Variants in NAV3 observed in about 807,000 individuals in gnomAD.
The protein encoded by NAV3 is neuron navigator 3.
A neutral mutation model predicts 244.7 loss-of-function variants in NAV3; 87 were observed. The observed-to-expected ratio is 0.36, with a 90% CI of 0.30 to 0.42. The LOEUF (loss-of-function observed/expected upper bound fraction) is 0.42, where lower values mean the gene tolerates loss of function less well. Ranked by LOEUF, NAV3 falls within the 20% of genes least tolerant of loss-of-function variation. The pLI is 1.00. For synonymous variants in NAV3, 1,126 were observed against 1,042.2 expected (o/e 1.08, Z -1.55); for missense variants, 2,663 against 2,893.3 (o/e 0.92, Z 1.83).
chr12:78,016,168 G>C (rs1273347749), intron 8 of NAV3, among the ~76,000 whole-genome samples: 3 of 151,154 alleles, frequency 2.0e-5, no homozygotes, highest in Non-Finnish European at 4.4e-5. Context: ...ATGTCTTTTT[G>C]TATAGGGTGA....
chr12:77,657,124 A>C (rs1313832426), intron 2 of NAV3, among the ~76,000 whole-genome samples: 1 of 152,212 alleles, frequency 6.6e-6, no homozygotes, highest in African/African-American at 2.4e-5. Context: ...AACTGAAGGA[A>C]ATAGAGACAC....
chr12:78,162,883 A>T (rs1201199636), intron 23 of NAV3, among the ~76,000 whole-genome samples: 13 of 124,042 alleles, frequency 1.0e-4, no homozygotes, highest in African/African-American at 3.7e-4. Flanking sequence ...TATATATATA[A>T]TATATATAAT....
At chr12:77,622,889 G>T (rs911561111) in intron 2 of NAV3, among the ~76,000 whole-genome samples, 2 of 152,132 alleles carry the variant, frequency 1.3e-5, no homozygotes, top group Non-Finnish European at 2.9e-5. Context: ...AGATGCAGAG[G>T]TACCAATTCT....
chr12:77,880,417 A>T (rs1000604802), intron 1 of NAV3, among the ~76,000 whole-genome samples: 1 of 152,164 alleles, frequency 6.6e-6, no homozygotes, highest in Non-Finnish European at 1.5e-5. Context: ...AAAACCTGCA[A>T]GTAAGCAGAA....
chr12:77,682,661 CTTG>C lies in NAV3; in HGVS notation c.72+110398_72+110400del, dbSNP rs562135979. ...TCTTTTCTCCACATTCTTGCCAGTA[CTTG>C]TTATCATTTGCCTTTTTTGATAATA... On this transcript the variant is annotated intron_variant, in intron 2 of 8. Coordinates refer to the NAV3 transcript ENST00000550042. 2.8e-4 allele frequency among the ~76,000 whole-genome samples: 42 copies of C among 152,262 alleles called. No homozygotes were observed. The East Asian group carries it at 6.4e-3, about 23-fold the overall frequency.
chr12:77,977,285 G>A, intron 5 of NAV3, among the ~76,000 whole-genome samples: 1 of 152,100 alleles, frequency 6.6e-6, no homozygotes, highest in East Asian at 1.9e-4. Context: ...ATTACAGAGA[G>A]AGATGTACAA....
chr12:77,713,969 T>A (rs940439911), intron 2 of NAV3, among the ~76,000 whole-genome samples: 1 of 152,156 alleles, frequency 6.6e-6, no homozygotes, highest in Non-Finnish European at 1.5e-5. Context: ...CATCATTACT[T>A]TGTATAATAT....
chr12:78,001,549 CAAAT>C (rs1873310149), intron 7 of NAV3, among the ~76,000 whole-genome samples: 1 of 151,962 alleles, frequency 6.6e-6, no homozygotes, highest in Non-Finnish European at 1.5e-5. Context: ...ATTTGTAAAA[CAAAT>C]TAGCTTTTTT....
chr12:77,889,991 C>T (rs1883744623), intron 1 of NAV3, among the ~76,000 whole-genome samples: 1 of 152,102 alleles, frequency 6.6e-6, no homozygotes, highest in Non-Finnish European at 1.5e-5. Context: ...AAAACTGACA[C>T]CAAAACCAGT....
intron 5 of NAV3, among the ~76,000 whole-genome samples, chr12:77,982,025 T>C (rs73150650): frequency 0.013 from 1,995 of 152,282 alleles, 16 homozygotes; most frequent in Non-Finnish European, 0.019. Context: ...TTAATATAGA[T>C]GAAGAGTTAT....
intron 1 of NAV3, among the ~76,000 whole-genome samples, chr12:77,863,953 A>T (rs1879636190): frequency 6.6e-6 from 1 of 151,894 alleles, no homozygotes; most frequent in Non-Finnish European, 1.5e-5. Flanking sequence ...TAATAGTAAG[A>T]CATCTCCAAT....
At chr12:77,596,349 A>G (rs2136746237) in intron 2 of NAV3, among the ~76,000 whole-genome samples, 1 of 152,316 alleles carries the variant, frequency 6.6e-6, no homozygotes, top group East Asian at 1.9e-4. Flanking sequence ...TTGTTTAATC[A>G]AAGTGTAGCC....
At position 78,032,608 on chromosome 12, in the gene NAV3, T is replaced by C. The variant is rs1318720570; in HGVS notation, c.2023+10746T>C. On this transcript the variant is annotated intron_variant, in intron 9 of 39. Coordinates refer to ENST00000397909, the MANE Select transcript of NAV3 (RefSeq NM_001024383.2). ...ATGATGGTAGCTCCAATAATTATTA[T>C]AGTCAGGTGAAATGTATTATATAAT... Among the ~76,000 whole-genome samples the C allele has an allele frequency of 2.0e-5, 3 of 152,208 alleles. No individual in the cohort carries two copies. The East Asian group carries it at 5.8e-4, about 29-fold the overall frequency.
chr12:78,199,592 C>A (rs2140018568), intron 37 of NAV3, 61 bp downstream of exon 37: 3 of 1,224,700 alleles, frequency 2.4e-6, no homozygotes, highest in Non-Finnish European at 3.4e-6. Context: ...GTAAAGACGG[C>A]CAGATTGGAT....
intron 24 of NAV3, among the ~76,000 whole-genome samples, chr12:78,173,420 T>C (rs1310122521): frequency 2.0e-5 from 3 of 151,708 alleles, no homozygotes. Context: ...AATACTTTAA[T>C]ACTTTGTGCT....
intron 1 of NAV3, among the ~76,000 whole-genome samples, chr12:77,917,150 C>A (rs906812419): frequency 5.3e-5 from 8 of 151,832 alleles, no homozygotes; most frequent in African/African-American, 1.9e-4. Context: ...TAACTAAAAT[C>A]TATTGTTGGT....
intron 12 of NAV3, among the ~76,000 whole-genome samples, chr12:78,067,863 T>A (rs1002686839): frequency 2.6e-5 from 4 of 152,112 alleles, no homozygotes; most frequent in African/African-American, 9.7e-5. Context: ...TTCCCAGGAC[T>A]CTTATTGATG....
chr12:77,769,064 A>G (rs1869937681), intron 2 of NAV3, among the ~76,000 whole-genome samples: 1 of 152,186 alleles, frequency 6.6e-6, no homozygotes. Flanking sequence ...GGAGGCAGGT[A>G]TTTTTTCATT....
chr12:77,905,335 AT>A (rs944489431), intron 1 of NAV3, among the ~76,000 whole-genome samples: 1 of 152,068 alleles, frequency 6.6e-6, no homozygotes, highest in Admixed American at 6.5e-5. Context: ...TCAGTGATTC[AT>A]TTTGTTTGAA....
Sources: gnomAD v4.1 joint callset for allele counts (sites outside exome capture counted in the v4.1 genomes callset) on GRCh38, gnomAD v4.1.1 for gene constraint, MANE v1.5 for transcripts, NCBI Gene and HGNC (gene_info 2026-07-23, HGNC 2026-07-21) for gene names.